Variants in GNAO1 observed in about 807,000 individuals in gnomAD.
GNAO1 encodes the protein G protein subunit alpha o1, also known as guanine nucleotide-binding protein G(o) subunit alpha.
For synonymous variants in GNAO1, 164 were observed against 180.7 expected, an observed-to-expected ratio of 0.91 and a Z score of 0.74; for missense variants, 166 against 478.7, an observed-to-expected ratio of 0.35 and a Z score of 6.10.
In GNAO1 at chr16:56,205,658, G is replaced by A. The variant is rs183580642; in HGVS notation, c.161+13042G>A. On this transcript the variant is annotated intron_variant, in intron 2 of 8. Transcript: ENST00000262493. ...CTATTCCCTGTCTTCTTTGGTGTGG[G>A]TTTGTTCATTCTGTGAAGGCCATTG... 1.8e-4 allele frequency among the ~76,000 whole-genome samples: 27 copies of A among 152,256 alleles called. No individual in the cohort carries two copies. The East Asian group carries it at 4.6e-3, about 26-fold the overall frequency.
chr16:56,306,793 G>C (rs1022731038), intron 3 of GNAO1: 2 of 152,242 alleles, frequency 1.3e-5, no homozygotes, highest in Non-Finnish European at 2.9e-5. Flanking sequence ...TCTGAGCAAA[G>C]ATTCCAGTTG....
intron 2 of GNAO1, among the ~76,000 whole-genome samples, chr16:56,232,924 A>C (rs1225633513): frequency 1.3e-5 from 2 of 152,266 alleles, no homozygotes; most frequent in East Asian, 3.9e-4. Flanking sequence ...GGCCATTTCC[A>C]TTTTGTGAGT....
intron 2 of GNAO1, among the ~76,000 whole-genome samples, chr16:56,227,953 G>A (rs1201472671): frequency 6.6e-6 from 1 of 152,172 alleles, no homozygotes; most frequent in East Asian, 1.9e-4. Flanking sequence ...TCTGAGAGGA[G>A]CACACAACTG....
intron 3 of GNAO1, among the ~76,000 whole-genome samples, chr16:56,289,664 C>G (rs1174070450): frequency 6.6e-6 from 1 of 152,148 alleles, no homozygotes; most frequent in Non-Finnish European, 1.5e-5. Context: ...GATGAGATGG[C>G]AGAGCATACG....
At chr16:56,261,839 T>A (rs1421726937) in intron 2 of GNAO1, among the ~76,000 whole-genome samples, 2 of 152,198 alleles carry the variant, frequency 1.3e-5, no homozygotes, top group African/African-American at 2.4e-5. Flanking sequence ...GACCGTCCGA[T>A]GCCCTGCTGC....
chr16:56,193,642 C>T (rs528528950), intron 2 of GNAO1: 1 of 161,224 alleles, frequency 6.2e-6, no homozygotes, highest in South Asian at 1.7e-4. Flanking sequence ...AATAAGGAGC[C>T]TCGCCCCTCC....
At chr16:56,339,358 G>A (rs1303894855) in intron 6 of GNAO1, among the ~76,000 whole-genome samples, 2 of 152,232 alleles carry the variant, frequency 1.3e-5, no homozygotes, top group African/African-American at 2.4e-5. Flanking sequence ...CTGTAAAAGT[G>A]CCTGTACACA....
At chr16:56,355,127 C>G in intron 8 of GNAO1, 46 bp downstream of exon 8, 2 of 162,550 alleles carry the variant, frequency 1.2e-5, no homozygotes, top group Non-Finnish European at 2.4e-5. Context: ...CGCGCGCATA[C>G]ACACACACAC....
At chr16:56,325,869 C>A (rs537004141) in intron 3 of GNAO1, among the ~76,000 whole-genome samples, 4 of 152,188 alleles carry the variant, frequency 2.6e-5, no homozygotes, top group African/African-American at 4.8e-5. Flanking sequence ...TGAGAGTCTT[C>A]TTCATGGGTT....
At chr16:56,346,269 T>C (rs2037868684) in intron 6 of GNAO1, 1 of 982,254 alleles carries the variant, frequency 1.0e-6, no homozygotes, top group Admixed American at 6.2e-5. Flanking sequence ...GGGTGACAAA[T>C]GAGATTTGGC....
chr16:56,357,321 G>A lies in GNAO1; in HGVS notation c.*1247G>A, dbSNP rs1208966820. The stretch of plus-strand genomic sequence containing the variant: ...GGAAAAAAGAAAAAAAAGCCCACGG[G>A]TCTTTGTAAGCCTTTCTATTCCCAA... On this transcript the variant is annotated 3_prime_UTR_variant, in exon 9 of 9. Coordinates refer to ENST00000262493, the MANE Select transcript of GNAO1 (RefSeq NM_020988.3). The A allele has an allele frequency of 1.3e-5, 2 of 152,002 alleles. No homozygotes were observed. Among genetic ancestry groups the A allele is most frequent in the Non-Finnish European group, 2.9e-5 (2 of 67,986 alleles). 9.4% of individuals were successfully genotyped at this position (152,002 alleles called of 1,614,324 possible).
intron 3 of GNAO1, among the ~76,000 whole-genome samples, chr16:56,281,896 ATG>A (rs1301902581): frequency 1.3e-5 from 2 of 152,174 alleles, no homozygotes; most frequent in East Asian, 1.9e-4. Flanking sequence ...ATACACACAC[ATG>A]TGTCTATATA....
intron 3 of GNAO1, among the ~76,000 whole-genome samples, chr16:56,314,346 C>G (rs1190460927): frequency 6.6e-6 from 1 of 152,170 alleles, no homozygotes; most frequent in Non-Finnish European, 1.5e-5. Context: ...AGTCTGAAAT[C>G]CTACTGCTTG....
At chr16:56,318,215 CCGGAGAGAA>C (rs1212646235) in intron 3 of GNAO1, among the ~76,000 whole-genome samples, 4 of 152,170 alleles carry the variant, frequency 2.6e-5, no homozygotes, top group African/African-American at 7.2e-5. Flanking sequence ...CTCTCCTGTG[CCGGAGAGAA>C]CGGAGAGAAC....
chr16:56,249,664 C>G (rs970769508), intron 2 of GNAO1, among the ~76,000 whole-genome samples: 1 of 152,164 alleles, frequency 6.6e-6, no homozygotes, highest in Admixed American at 6.5e-5. Flanking sequence ...GGAAATTAAG[C>G]AGGCCCACGG....
intron 3 of GNAO1, among the ~76,000 whole-genome samples, chr16:56,324,521 G>A (rs1281417723): frequency 7.2e-5 from 11 of 152,238 alleles, no homozygotes; most frequent in Middle Eastern, 3.2e-3. Context: ...TCAGCCAGGC[G>A]TGAGGAGCAG....
chr16:56,246,538 G>A (rs1216532340), intron 2 of GNAO1, among the ~76,000 whole-genome samples: 1 of 152,200 alleles, frequency 6.6e-6, no homozygotes, highest in African/African-American at 2.4e-5. Flanking sequence ...GGCAGCTCAC[G>A]TAAACTTCGC....
intron 4 of GNAO1, 62 bp from the exon 5 acceptor site, chr16:56,334,667 G>A: frequency 6.3e-7 from 1 of 1,579,042 alleles, no homozygotes; most frequent in African/African-American, 1.3e-5. Flanking sequence ...TGGGTGGCCT[G>A]GCCAGTCCCG....
chr16:56,334,752 T>C lies in GNAO1; in HGVS notation c.488T>C (p.Ile163Thr), dbSNP rs760544764. The C allele has an allele frequency of 1.2e-5, 20 of 1,613,890 alleles. No homozygotes were observed. Among genetic ancestry groups the C allele is most frequent in the South Asian group, 3.3e-5 (3 of 91,078 alleles). The part of the protein sequence containing the change: ...AKYYLDSLDR[I>T]GAADYQPTEQ... ...AGCTACCTGGACAGCCTGGATCGGA[T>C]TGGGGCCGCCGACTACCAGCCCACC... is the stretch of plus-strand genomic sequence containing the variant. The change falls in exon 5 of 9, where the codon ATT becomes ACT. Residue 163 changes from isoleucine (I) to threonine (T), a missense_variant. Physicochemically the swap from Ile to Thr is moderately conservative, Grantham distance 89. Coordinates refer to ENST00000262493, the MANE Select transcript of GNAO1 (RefSeq NM_020988.3).
Sources: allele counts gnomAD v4.1 joint callset (sites outside exome capture counted in the v4.1 genomes callset), GRCh38; gene constraint gnomAD v4.1.1; transcripts MANE v1.5; gene names NCBI Gene and HGNC (gene_info 2026-07-23, HGNC 2026-07-21).